SEMA3E: variants seen among roughly 807,000 people sequenced by gnomAD.
SEMA3E encodes semaphorin 3E.
SEMA3E carries 49 observed loss-of-function variants against 93.6 expected under a neutral mutation model. That is an observed-to-expected ratio of 0.52 (90% confidence interval 0.42 to 0.66). The LOEUF (loss-of-function observed/expected upper bound fraction) is 0.66, where lower values mean the gene tolerates loss of function less well. Ranked by LOEUF, SEMA3E falls within the 30% of genes least tolerant of loss-of-function variation. The pLI is 0.00. For missense variants in SEMA3E, 906 were observed against 964.8 expected (o/e 0.94, Z 0.81); for synonymous variants, 363 against 330.7 (o/e 1.10, Z -1.06).
At chr7:83,486,900 A>C (rs1434604321) in intron 2 of SEMA3E, among the ~76,000 whole-genome samples, 2 of 152,084 alleles carry the variant, frequency 1.3e-5, no homozygotes, top group Non-Finnish European at 2.9e-5. Context: ...TCAGCAAAAT[A>C]AGGATTTACC....
intron 1 of SEMA3E, among the ~76,000 whole-genome samples, chr7:83,639,259 T>C (rs1324425922): frequency 6.6e-6 from 1 of 151,908 alleles, no homozygotes; most frequent in East Asian, 1.9e-4. Context: ...AACTCCAGTT[T>C]CCATCTCCTT....
intron 1 of SEMA3E, among the ~76,000 whole-genome samples, chr7:83,602,247 A>G (rs1793011857): frequency 6.6e-6 from 1 of 152,180 alleles, no homozygotes; most frequent in Non-Finnish European, 1.5e-5. Context: ...GATAACACCA[A>G]TAAGACAAAG....
intron 4 of SEMA3E, among the ~76,000 whole-genome samples, chr7:83,454,134 T>G (rs1370761170): frequency 2.0e-5 from 3 of 150,598 alleles, no homozygotes; most frequent in Non-Finnish European, 3.0e-5. Flanking sequence ...GGCGGGCTCT[T>G]GTAGTCCCAG....
intron 16 of SEMA3E, among the ~76,000 whole-genome samples, chr7:83,379,999 T>C (rs1271280663): frequency 6.6e-6 from 1 of 151,834 alleles, no homozygotes; most frequent in Non-Finnish European, 1.5e-5. Flanking sequence ...TTTATATTCC[T>C]GAACACTGAT....
intron 1 of SEMA3E, among the ~76,000 whole-genome samples, chr7:83,552,569 G>C (rs1791788343): frequency 6.6e-6 from 1 of 152,172 alleles, no homozygotes; most frequent in Admixed American, 6.6e-5. Flanking sequence ...AGATGTGCAA[G>C]TAGGGAAGAT....
intron 1 of SEMA3E, among the ~76,000 whole-genome samples, chr7:83,578,734 C>A (rs933193510): frequency 1.3e-5 from 2 of 152,116 alleles, no homozygotes; most frequent in African/African-American, 4.8e-5. Flanking sequence ...CAAACTCCCT[C>A]TCTTAGTAGA....
At chr7:83,462,803 CA>C (rs1789656914) in intron 4 of SEMA3E, among the ~76,000 whole-genome samples, 2 of 141,256 alleles carry the variant, frequency 1.4e-5, no homozygotes, top group African/African-American at 5.5e-5. Flanking sequence ...TCAGGATCTG[CA>C]CCTTATCAAC....
intron 1 of SEMA3E, among the ~76,000 whole-genome samples, chr7:83,568,033 C>A (rs1792200289): frequency 6.6e-6 from 1 of 151,514 alleles, no homozygotes; most frequent in African/African-American, 2.4e-5. Flanking sequence ...ATAAAATAGA[C>A]AACAATAAAG....
At chr7:83,604,757 T>G (rs1280148736) in intron 1 of SEMA3E, among the ~76,000 whole-genome samples, 2 of 152,160 alleles carry the variant, frequency 1.3e-5, no homozygotes, top group Non-Finnish European at 2.9e-5. Context: ...ATGCATTAAT[T>G]ATTTGTAATG....
intron 4 of SEMA3E, among the ~76,000 whole-genome samples, chr7:83,445,135 C>T (rs1037119657): frequency 6.6e-6 from 1 of 152,080 alleles, no homozygotes; most frequent in Non-Finnish European, 1.5e-5. Context: ...AATAACCAGT[C>T]CGTTTCAACA....
chr7:83,557,787 A>G (rs1256092777), intron 1 of SEMA3E, among the ~76,000 whole-genome samples: 1 of 152,168 alleles, frequency 6.6e-6, no homozygotes, highest in Non-Finnish European at 1.5e-5. Flanking sequence ...AGCTAGCTCA[A>G]TGTGCATCCC....
chr7:83,645,717 CCTTCTCT>C (rs1286072477), intron 1 of SEMA3E, among the ~76,000 whole-genome samples: 10 of 90,206 alleles, frequency 1.1e-4, no homozygotes, highest in Middle Eastern at 6.7e-3. Context: ...TACCTTGTCT[CCTTCTCT>C]CTCTCTCTCT....
At chr7:83,455,978 A>G (rs62460815) in intron 4 of SEMA3E, among the ~76,000 whole-genome samples, 1 of 152,162 alleles carries the variant, frequency 6.6e-6, no homozygotes, top group African/African-American at 2.4e-5. Flanking sequence ...GGAGCCAACT[A>G]AACAGTGCCT....
chr7:83,496,471 T>C (rs1790493342), intron 1 of SEMA3E, among the ~76,000 whole-genome samples: 1 of 152,080 alleles, frequency 6.6e-6, no homozygotes. Context: ...TAATCACCTT[T>C]ATTGTGTATT....
intron 1 of SEMA3E, among the ~76,000 whole-genome samples, chr7:83,609,729 C>T (rs1326647039): frequency 1.3e-5 from 2 of 151,890 alleles, no homozygotes; most frequent in Non-Finnish European, 1.5e-5. Flanking sequence ...TTATTTAAAA[C>T]TCATTAAAAA....
chr7:83,514,184 A>G (rs1335449728), intron 1 of SEMA3E, among the ~76,000 whole-genome samples: 1 of 152,128 alleles, frequency 6.6e-6, no homozygotes, highest in African/African-American at 2.4e-5. Context: ...AGGGGGGTGG[A>G]GGCGCATGAA....
At chr7:83,477,386 A>G (rs1423456004) in intron 2 of SEMA3E, among the ~76,000 whole-genome samples, 2 of 152,024 alleles carry the variant, frequency 1.3e-5, no homozygotes, top group Non-Finnish European at 2.9e-5. Context: ...TTAATTATAG[A>G]TCCTATAAAT....
chr7:83,476,853 C>T (rs1437395171), intron 2 of SEMA3E, among the ~76,000 whole-genome samples: 1 of 151,998 alleles, frequency 6.6e-6, no homozygotes, highest in Admixed American at 6.6e-5. Context: ...AATCTCTGTA[C>T]CAAAAAAGAT....
chr7:83,510,869 G>A (rs916217074), intron 1 of SEMA3E, among the ~76,000 whole-genome samples: 1 of 152,132 alleles, frequency 6.6e-6, no homozygotes, highest in African/African-American at 2.4e-5. Context: ...GATAACCCTC[G>A]TGGTGAATCT....
Sources: gnomAD v4.1 joint callset for allele counts (sites outside exome capture counted in the v4.1 genomes callset) on GRCh38, gnomAD v4.1.1 for gene constraint, MANE v1.5 for transcripts, NCBI Gene and HGNC (gene_info 2026-07-23, HGNC 2026-07-21) for gene names.